Variants in FUBP1 observed in about 807,000 individuals in gnomAD.
FUBP1 encodes far upstream element-binding protein 1.
Under a neutral mutation model 94.9 loss-of-function variants are expected in FUBP1, and 16 were observed. The observed-to-expected ratio is 0.17, with a 90% CI of 0.11 to 0.26. The LOEUF (loss-of-function observed/expected upper bound fraction) is 0.26, where lower values mean the gene tolerates loss of function less well. Among genes scored for constraint, FUBP1 ranks in the 10% least tolerant of loss-of-function variants. FUBP1 has a pLI of 1.00. For missense variants in FUBP1, 583 were observed against 808.6 expected, an observed-to-expected ratio of 0.72 and a Z score of 3.38; for synonymous variants, 279 against 254.9, an observed-to-expected ratio of 1.09 and a Z score of -0.90.
At chr1:77,952,600 A>AT (rs1653689488) in intron 18 of FUBP1, among the ~76,000 whole-genome samples, 1 of 152,230 alleles carries the variant, frequency 6.6e-6, no homozygotes, top group South Asian at 2.1e-4. Context: ...ATATCTCCCT[A>AT]TTATTCCCTT....
chr1:77,968,607 T>TA (rs1358996519), intron 2 of FUBP1, among the ~76,000 whole-genome samples: 2 of 146,286 alleles, frequency 1.4e-5, no homozygotes, highest in Admixed American at 1.4e-4. Flanking sequence ...TCTGACATAT[T>TA]AAAGTGTATC....
chr1:77,949,285 G>T lies in FUBP1; in HGVS notation c.1796C>A (p.Ala599Asp). ...ACCACCTGGAGGAGCCCCAGTCGGA[G>T]CAGGAACTGCCTGACCTTTGAAAAA... ...YYKKMGQAVP[A>D]PTGAPPGGQP... Residue 599 changes from alanine (A) to aspartate (D), a missense_variant, in exon 19 of 20, where the codon GCT becomes GAT. Ala to Asp is a moderately radical substitution (Grantham distance 126). Transcript: ENST00000370768. 8 of 1,613,646 alleles carry T rather than the reference G, an allele frequency of 5.0e-6. No homozygotes were observed. The highest frequency in any genetic ancestry group is 6.8e-6 in the Non-Finnish European group (8 of 1,179,590).
intron 1 of FUBP1, among the ~76,000 whole-genome samples, chr1:77,971,231 C>T (rs542710288): frequency 7.3e-4 from 111 of 152,254 alleles, no homozygotes; most frequent in African/African-American, 2.5e-3. Context: ...CACTGCAATG[C>T]TGTACATTCA....
Position 77,946,466 on chromosome 1 carries a change from C to G in FUBP1, c.*2300G>C, listed in dbSNP as rs568623258. The G allele has an allele frequency of 4.9e-6, 1 of 202,780 alleles. No homozygotes were observed. Among genetic ancestry groups the G allele is most frequent in the Non-Finnish European group, 1.0e-5 (1 of 98,334 alleles). 12.6% of individuals were successfully genotyped at this position (202,780 alleles called of 1,614,324 possible). A position where few individuals can be genotyped will look rare whatever the true frequency, so the allele number is the denominator to read the frequency against. Reference sequence around the variant, plus strand: ...GCCTTTGAATACACAACCACAAAAACCTCACAGGGACAACATTAATGTATT... The same window carrying G: ...GCCTTTGAATACACAACCACAAAAAGCTCACAGGGACAACATTAATGTATT... On this transcript the variant is annotated 3_prime_UTR_variant, in exon 20 of 20. Transcript: ENST00000370768.
intron 1 of FUBP1, among the ~76,000 whole-genome samples, chr1:77,972,646 C>T (rs1571355941): frequency 6.6e-6 from 1 of 150,706 alleles, no homozygotes; most frequent in East Asian, 1.9e-4. Flanking sequence ...CCTGTAATTC[C>T]AGCTACTCGG....
Position 77,967,042 on chromosome 1 carries a change from T to G in FUBP1, c.343+7A>C. The stretch of plus-strand genomic sequence containing the variant: ...GTTTTCAAAACTTTAAAAATCAAGT[T>G]ACTTACTGAATCCAACCATTCCATC... On this transcript the variant is annotated splice_region_variant and intron_variant, in intron 5 of 19. Transcript: ENST00000370768. 1 of 1,571,724 alleles carries G rather than the reference T, an allele frequency of 6.4e-7. No homozygotes were observed. The highest frequency in any genetic ancestry group is 8.7e-7 in the Non-Finnish European group (1 of 1,143,452).
chr1:77,955,399 G>A (rs769476043), intron 17 of FUBP1, 70 bp from the exon 18 acceptor site: 18 of 861,028 alleles, frequency 2.1e-5, no homozygotes, highest in Admixed American at 5.5e-5. Context: ...CGTTTCCTTG[G>A]GTGCAGGAGC....
Position 77,970,035 on chromosome 1 carries a change from A to AC in FUBP1, c.121-21_121-20insG. 1 of 1,326,386 alleles carries AC rather than the reference A, an allele frequency of 7.5e-7. No individual in the cohort carries two copies. Among genetic ancestry groups the AC allele is most frequent in the Non-Finnish European group, 1.1e-6 (1 of 931,956 alleles). The allele number at this position is 1,326,386 out of a possible 1,614,324, so 82.2% of individuals were successfully genotyped here. ...TGCAATCTAAAAAAAAAAAAGAAAA[A>AC]TACCATCATAAACTATTATATACTA... is the stretch of plus-strand genomic sequence containing the variant. On this transcript the variant is annotated intron_variant, in intron 1 of 19. Coordinates refer to ENST00000370768, the MANE Select transcript of FUBP1 (RefSeq NM_003902.5).
At position 77,979,029 on chromosome 1, in the gene FUBP1, G is replaced by A. The variant is rs1475479900; in HGVS notation, c.-25C>T. 1.3e-6 allele frequency: 2 copies of A among 1,589,056 alleles called. No individual in the cohort carries two copies. Among genetic ancestry groups the A allele is most frequent in the East Asian group, 2.3e-5 (1 of 44,118 alleles). ...TGGTTGCACTATAAGAGCCGCTGCC[G>A]CCTGTTCAGAGACTTCCTCTCAGCT... On this transcript the variant is annotated 5_prime_UTR_variant, in exon 1 of 20. Transcript: ENST00000370768.
In FUBP1 at chr1:77,966,870, G is replaced by A. The variant is rs780335735; in HGVS notation, c.415+14C>T. 3 of 1,509,842 alleles carry A rather than the reference G, an allele frequency of 2.0e-6. No homozygotes were observed. The highest frequency in any genetic ancestry group is 2.3e-5 in the South Asian group (2 of 88,264). The allele number at this position is 1,509,842 out of a possible 1,614,324, so 93.5% of individuals were successfully genotyped here. On this transcript the variant is annotated intron_variant, in intron 6 of 19. Coordinates refer to ENST00000370768, the MANE Select transcript of FUBP1 (RefSeq NM_003902.5). ...TCTAGTCACACTGAAAATACCATGA[G>A]AATGTAACATTACCAGGAGCTATCT...
In FUBP1 at chr1:77,958,243, T is replaced by C. The variant is rs115975763; in HGVS notation, c.1577-1543A>G. On this transcript the variant is annotated intron_variant, in intron 16 of 19. Transcript: ENST00000370768. ...AACCAGTCTCACAGTTACAAATAAC[T>C]AGTATGTACTAAGAATTTACTAAAT... 3.2e-4 allele frequency among the ~76,000 whole-genome samples: 48 copies of C among 152,324 alleles called. No homozygotes were observed. In the Middle Eastern group the frequency reaches 0.01, roughly 32 times the overall value.
intron 1 of FUBP1, among the ~76,000 whole-genome samples, chr1:77,971,031 CAAACA>C (rs1422883605): frequency 1.3e-5 from 2 of 150,768 alleles, no homozygotes; most frequent in Admixed American, 6.6e-5. Flanking sequence ...AAGACTGTTA[CAAACA>C]AAACAAAACA....
rs1652121284 is a variant in FUBP1 at position 77,946,191 on chromosome 1, T to G, written c.*2575A>C. Among the ~76,000 whole-genome samples the G allele has an allele frequency of 6.6e-6, 1 of 152,024 alleles. No homozygotes were observed. Among genetic ancestry groups the G allele is most frequent in the Non-Finnish European group, 1.5e-5 (1 of 67,924 alleles). On this transcript the variant is annotated 3_prime_UTR_variant, in exon 20 of 20. Coordinates refer to ENST00000370768, the MANE Select transcript of FUBP1 (RefSeq NM_003902.5). ...TTCTAAACAAGTGATTTCCTAAATC[T>G]TGAAAACTGTGTAATTGTCCTTTCT...
At chr1:77,971,104 A>G (rs965998253) in intron 1 of FUBP1, among the ~76,000 whole-genome samples, 7 of 152,128 alleles carry the variant, frequency 4.6e-5, no homozygotes, top group African/African-American at 1.7e-4. Flanking sequence ...GGGCACAATC[A>G]GCAGATACTT....
intron 2 of FUBP1, among the ~76,000 whole-genome samples, chr1:77,968,742 T>A (rs1342805985): frequency 2.0e-5 from 3 of 152,072 alleles, no homozygotes; most frequent in African/African-American, 7.2e-5. Context: ...CATAAAACTT[T>A]AGCAAAAAAA....
chr1:77,967,074 T>C lies in FUBP1; in HGVS notation c.318A>G (p.Lys106=). Residue 106 remains lysine (K), a synonymous_variant, in exon 5 of 20, where the codon AAA becomes AAG. Coordinates refer to ENST00000370768, the MANE Select transcript of FUBP1 (RefSeq NM_003902.5). Reference sequence around the variant, plus strand: ...TGAATCCAACCATTCCATCTGGAACTTTGTATTCTTCTGTCATTACAGATC... The same window carrying C: ...TGAATCCAACCATTCCATCTGGAACCTTGTATTCTTCTGTCATTACAGATC... ...QSRSVMTEEY[K]VPDGMVGFII... The C allele has an allele frequency of 6.3e-7, 1 of 1,590,340 alleles. No individual in the cohort carries two copies. The highest frequency in any genetic ancestry group is 8.6e-7 in the Non-Finnish European group (1 of 1,161,046).
chr1:77,958,086 C>T (rs1654804660), intron 16 of FUBP1, among the ~76,000 whole-genome samples: 1 of 152,146 alleles, frequency 6.6e-6, no homozygotes, highest in African/African-American at 2.4e-5. Context: ...GCCATGGCGT[C>T]TGGCCATTAT....
chr1:77,955,535 C>A, intron 17 of FUBP1: 1 of 482,946 alleles, frequency 2.1e-6, no homozygotes, highest in Non-Finnish European at 3.6e-6. Context: ...AGAAAACCAA[C>A]CTGTTTGAAG....
chr1:77,952,156 T>C (rs1021102152), intron 18 of FUBP1, among the ~76,000 whole-genome samples: 2 of 152,076 alleles, frequency 1.3e-5, no homozygotes. Context: ...AAGAATTGCT[T>C]CAACCTGGGA....
Sources: gnomAD v4.1 joint callset for allele counts (sites outside exome capture counted in the v4.1 genomes callset) on GRCh38, gnomAD v4.1.1 for gene constraint, MANE v1.5 for transcripts, NCBI Gene and HGNC (gene_info 2026-07-23, HGNC 2026-07-21) for gene names.